The following PTER variants were observed in gnomAD, a reference collection of about 807,000 sequenced individuals.
PTER encodes N-acetyltaurine hydrolase.
PTER carries 38 observed loss-of-function variants against 29.6 expected under a neutral mutation model. The observed-to-expected ratio is 1.28, with a 90% CI of 0.99 to 1.68. PTER has a LOEUF of 1.68. Ranked by LOEUF, PTER falls within the 40% of genes most tolerant of loss-of-function variation. PTER has a pLI of 0.00. For synonymous variants in PTER, 172 were observed against 154.5 expected, an observed-to-expected ratio of 1.11 and a Z score of -0.84; for missense variants, 482 against 427.8, an observed-to-expected ratio of 1.13 and a Z score of -1.12.
chr10:16,470,832 A>G (rs1002387344), intron 1 of PTER, among the ~76,000 whole-genome samples: 4 of 151,838 alleles, frequency 2.6e-5, no homozygotes, highest in Admixed American at 2.0e-4. Flanking sequence ...CTATGGTTCT[A>G]TTTTTATGGT....
At chr10:16,491,611 A>G (rs1166134386) in intron 3 of PTER, among the ~76,000 whole-genome samples, 1 of 152,170 alleles carries the variant, frequency 6.6e-6, no homozygotes, top group Non-Finnish European at 1.5e-5. Context: ...ATAAAAACCA[A>G]GACAAAATGG....
At chr10:16,440,387 A>C (rs1044696014) in intron 1 of PTER, among the ~76,000 whole-genome samples, 2 of 152,074 alleles carry the variant, frequency 1.3e-5, no homozygotes, top group African/African-American at 4.8e-5. Flanking sequence ...CTTCTCATTC[A>C]TAGACATCAT....
chr10:16,502,199 C>T (rs145942888), intron 3 of PTER, among the ~76,000 whole-genome samples: 13 of 152,306 alleles, frequency 8.5e-5, no homozygotes, highest in African/African-American at 3.1e-4. Context: ...TCCGTGCTGA[C>T]TCCTGCCCTC....
Position 16,484,362 on chromosome 10 carries a change from A to G in PTER, c.-23A>G. ...AAAAAAGAAATCCTCTTTTTAGAAC[A>G]TCTCTTGGTGGTACCATCAGAAATG... is the stretch of plus-strand genomic sequence containing the variant. On this transcript the variant is annotated 5_prime_UTR_variant, in exon 2 of 5. Coordinates refer to ENST00000535784, the MANE Select transcript of PTER (RefSeq NM_001261836.2). 1 of 1,543,212 alleles carries G rather than the reference A, an allele frequency of 6.5e-7. No homozygotes were observed. The highest frequency in any genetic ancestry group is 1.2e-5 in the South Asian group (1 of 81,120).
chr10:16,482,689 G>A (rs576792754), intron 1 of PTER, among the ~76,000 whole-genome samples: 3 of 152,292 alleles, frequency 2.0e-5, no homozygotes, highest in East Asian at 1.9e-4. Context: ...TCTGGGACTC[G>A]AGTCCTGATT....
At chr10:16,452,260 G>A (rs1335354429) in intron 1 of PTER, among the ~76,000 whole-genome samples, 1 of 146,954 alleles carries the variant, frequency 6.8e-6, no homozygotes, top group African/African-American at 2.5e-5. Flanking sequence ...CACAGTTTTT[G>A]AAAGCACTGA....
At chr10:16,444,094 C>T (rs750335029) in intron 1 of PTER, among the ~76,000 whole-genome samples, 3 of 151,644 alleles carry the variant, frequency 2.0e-5, no homozygotes, top group Non-Finnish European at 2.9e-5. Flanking sequence ...CTCTGCCTCC[C>T]GAATTCAAGC....
At chr10:16,441,895 T>A (rs1833862683) in intron 1 of PTER, among the ~76,000 whole-genome samples, 2 of 152,182 alleles carry the variant, frequency 1.3e-5, no homozygotes, top group Admixed American at 1.3e-4. Flanking sequence ...AGCCTTTTTT[T>A]TTTTCCTGTT....
chr10:16,514,383 T>G (rs1836915480), downstream of PTER: 1 of 651,376 alleles, frequency 1.5e-6, no homozygotes, highest in Non-Finnish European at 2.7e-6. Flanking sequence ...GTGATACAGA[T>G]GTGAGTCAGG....
In PTER at chr10:16,479,260, G is replaced by A. The variant is rs553481061; in HGVS notation, c.-48-5077G>A. On this transcript the variant is annotated intron_variant, in intron 1 of 4. Transcript: ENST00000535784. ...GTGGGATTTCTTTCTTTTCATTCAG[G>A]CATGGTTACTGATTCTTTTGACAGT... 3.9e-5 allele frequency among the ~76,000 whole-genome samples: 6 copies of A among 152,112 alleles called. No individual in the cohort carries two copies. The South Asian group carries it at 1.0e-3, about 26-fold the overall frequency.
In PTER at chr10:16,511,859, G is replaced by A. The variant is rs1836822177; in HGVS notation, c.*603G>A. 1 of 152,838 alleles carries A rather than the reference G, an allele frequency of 6.5e-6. No individual in the cohort carries two copies. Among genetic ancestry groups the A allele is most frequent in the African/African-American group, 2.4e-5 (1 of 41,432 alleles). 9.5% of individuals were successfully genotyped at this position (152,838 alleles called of 1,614,324 possible). On this transcript the variant is annotated 3_prime_UTR_variant, in exon 5 of 5. Coordinates refer to ENST00000535784, the MANE Select transcript of PTER (RefSeq NM_001261836.2). Reference sequence around the variant, plus strand: ...TATCTATATATTCTTCTACTGAAATGATTTTGATATCTTTGGCTTTCCGGT... The same window carrying A: ...TATCTATATATTCTTCTACTGAAATAATTTTGATATCTTTGGCTTTCCGGT...
intron 1 of PTER, among the ~76,000 whole-genome samples, chr10:16,479,900 C>G (rs1571769): frequency 0.38 from 58,141 of 151,076 alleles, 11,497 homozygotes; most frequent in East Asian, 0.6. Flanking sequence ...CCTGAGATGC[C>G]TTCCCGTTTT....
chr10:16,471,671 C>G (rs1219324889), intron 1 of PTER, among the ~76,000 whole-genome samples: 3 of 152,012 alleles, frequency 2.0e-5, no homozygotes, highest in Non-Finnish European at 4.4e-5. Context: ...TTCTTCACAT[C>G]AAAGAGCATA....
chr10:16,451,907 T>G (rs1178300228), intron 1 of PTER, among the ~76,000 whole-genome samples: 2 of 152,182 alleles, frequency 1.3e-5, no homozygotes, highest in Non-Finnish European at 1.5e-5. Flanking sequence ...AAACTCAGTA[T>G]AATTTTCATC....
intron 1 of PTER, among the ~76,000 whole-genome samples, chr10:16,479,272 A>T (rs934668802): frequency 6.6e-6 from 1 of 152,100 alleles, no homozygotes; most frequent in Non-Finnish European, 1.5e-5. Context: ...ATGGTTACTG[A>T]TTCTTTTGAC....
chr10:16,502,988 CAAAAAAAAAAA>C (rs61446204), intron 3 of PTER, among the ~76,000 whole-genome samples: 1 of 41,358 alleles, frequency 2.4e-5, no homozygotes, highest in African/African-American at 8.2e-5. Context: ...GACTCTGTCT[CAAAAAAAAAAA>C]AAAAAAAAAA....
chr10:16,483,259 G>C (rs1042044488), intron 1 of PTER, among the ~76,000 whole-genome samples: 1 of 152,158 alleles, frequency 6.6e-6, no homozygotes, highest in African/African-American at 2.4e-5. Context: ...GCCGATTTCA[G>C]TTTCAATAAA....
chr10:16,509,930 T>C (rs1435325266), intron 4 of PTER, among the ~76,000 whole-genome samples: 2 of 152,154 alleles, frequency 1.3e-5, no homozygotes, highest in African/African-American at 4.8e-5. Flanking sequence ...GAGTTTTTTT[T>C]GTGTGTGTAG....
rs181916715 is a variant in PTER at position 16,483,393 on chromosome 10, A to T, written c.-48-944A>T. Among the ~76,000 whole-genome samples the T allele has an allele frequency of 1.1e-4, 17 of 152,324 alleles. No individual in the cohort carries two copies. In the East Asian group the frequency reaches 3.3e-3, roughly 29 times the overall value. On this transcript the variant is annotated intron_variant, in intron 1 of 4. Transcript: ENST00000535784. ...GTTCGTTTCTTGTTGTTATTTCATT[A>T]TTCAACCGAGTGTGCTCCTCAGTTG...
Sources: allele counts gnomAD v4.1 joint callset (sites outside exome capture counted in the v4.1 genomes callset), GRCh38; gene constraint gnomAD v4.1.1; transcripts MANE v1.5; gene names NCBI Gene and HGNC (gene_info 2026-07-23, HGNC 2026-07-21).